HEXB: variants seen among roughly 807,000 people sequenced by gnomAD.
HEXB encodes hexosaminidase subunit beta.
Under a neutral mutation model 71.2 loss-of-function variants are expected in HEXB, and 51 were observed. The observed-to-expected ratio is 0.72, with a 90% CI of 0.57 to 0.90. HEXB has a LOEUF of 0.90. HEXB is among the 40% of genes least tolerant of loss of function. The pLI is 0.00. For missense variants in HEXB, 617 were observed against 677.0 expected (o/e 0.91, Z 0.98); for synonymous variants, 266 against 249.3 (o/e 1.07, Z -0.63).
intron 8 of HEXB, 44 bp downstream of exon 8, chr5:74,715,734 A>G (rs1749656452): frequency 2.9e-6 from 4 of 1,380,848 alleles, no homozygotes; most frequent in Non-Finnish European, 4.1e-6. Flanking sequence ...AAAAAAAGAG[A>G]GGCTGGGTGC....
intron 5 of HEXB, among the ~76,000 whole-genome samples, chr5:74,704,856 C>T (rs1394509148): frequency 6.6e-6 from 1 of 152,142 alleles, no homozygotes; most frequent in African/African-American, 2.4e-5. Flanking sequence ...ATTTGGGAGG[C>T]CAAGGCGGGT....
intron 1 of HEXB, among the ~76,000 whole-genome samples, chr5:74,686,744 G>C (rs1288425332): frequency 3.9e-5 from 6 of 152,202 alleles, no homozygotes; most frequent in African/African-American, 1.4e-4. Context: ...CCAGAGTGGG[G>C]TTAAGATGTA....
intron 1 of HEXB, among the ~76,000 whole-genome samples, chr5:74,648,367 A>G (rs1409193515): frequency 6.6e-6 from 1 of 152,026 alleles, no homozygotes; most frequent in East Asian, 1.9e-4. Context: ...TTAAATTCTT[A>G]ATATTAGTCA....
upstream of HEXB, among the ~76,000 whole-genome samples, chr5:74,680,710 A>T (rs1748722792): frequency 6.6e-6 from 1 of 152,242 alleles, no homozygotes; most frequent in South Asian, 2.1e-4. Flanking sequence ...GCAGGTACAC[A>T]TGTTAGGATT....
chr5:74,661,052 C>G (rs1748309901), intron 1 of HEXB, among the ~76,000 whole-genome samples: 1 of 152,016 alleles, frequency 6.6e-6, no homozygotes, highest in South Asian at 2.1e-4. Context: ...GAGAGAGTGG[C>G]CTTCACCCTT....
At chr5:74,678,298 CATAAATAAATAAATAA>C (rs78230461) in intron 1 of HEXB, among the ~76,000 whole-genome samples, 1,754 of 145,164 alleles carry the variant, frequency 0.012, 32 homozygotes, top group African/African-American at 0.042. Context: ...AACTCCATCT[CATAAATAAATAAATAA>C]ATAAATAAAT....
chr5:74,689,501 T>C, intron 2 of HEXB, 28 bp downstream of exon 2: 1 of 1,603,926 alleles, frequency 6.2e-7, no homozygotes, highest in Non-Finnish European at 8.5e-7. Context: ...GTGAGTGTAT[T>C]ATATCCCAGG....
At chr5:74,658,917 T>C (rs1748269420) in intron 1 of HEXB, among the ~76,000 whole-genome samples, 1 of 152,118 alleles carries the variant, frequency 6.6e-6, no homozygotes, top group African/African-American at 2.4e-5. Context: ...GTAAGGCCAA[T>C]CTTAGGTACT....
At chr5:74,678,126 G>A (rs10942716) in intron 1 of HEXB, among the ~76,000 whole-genome samples, 22,786 of 151,792 alleles carry the variant, frequency 0.15, 1,919 homozygotes, top group East Asian at 0.27. Flanking sequence ...GTGAAACCCC[G>A]TCTTTACTAA....
intron 9 of HEXB, among the ~76,000 whole-genome samples, chr5:74,718,054 CTCAT>C (rs1749719294): frequency 6.6e-6 from 1 of 152,186 alleles, no homozygotes. Flanking sequence ...GCATGTTTAA[CTCAT>C]TCATTCAGCA....
chr5:74,682,150 A>G (rs950996360), upstream of HEXB, among the ~76,000 whole-genome samples: 26 of 152,244 alleles, frequency 1.7e-4, no homozygotes, highest in African/African-American at 6.3e-4. Context: ...TGAGATCAGG[A>G]GATCGAGACC....
intron 1 of HEXB, among the ~76,000 whole-genome samples, chr5:74,677,417 C>T (rs952863104): frequency 1.3e-5 from 2 of 151,198 alleles, no homozygotes; most frequent in African/African-American, 2.4e-5. Flanking sequence ...ATCAGTTTTA[C>T]TCTCAGATTC....
chr5:74,711,035 T>C (rs1290129843), intron 6 of HEXB, among the ~76,000 whole-genome samples: 1 of 150,522 alleles, frequency 6.6e-6, no homozygotes, highest in Non-Finnish European at 1.5e-5. Flanking sequence ...CTTCAAACTA[T>C]ACTACAAGGC....
At chr5:74,712,337 G>A (rs1228610325) in intron 6 of HEXB, among the ~76,000 whole-genome samples, 108 of 150,170 alleles carry the variant, frequency 7.2e-4, no homozygotes, top group Middle Eastern at 3.4e-3. Flanking sequence ...GCTAGATGAC[G>A]AGTTAGTGGG....
At chr5:74,642,639 A>G (rs1054825155) in intron 1 of HEXB, among the ~76,000 whole-genome samples, 5 of 151,954 alleles carry the variant, frequency 3.3e-5, no homozygotes, top group African/African-American at 1.2e-4. Context: ...CACCTAGATG[A>G]CCTTGCCTAG....
chr5:74,644,306 T>C (rs1046534713), intron 1 of HEXB, among the ~76,000 whole-genome samples: 3 of 152,234 alleles, frequency 2.0e-5, no homozygotes, highest in Non-Finnish European at 2.9e-5. Flanking sequence ...AGTTGCTGAA[T>C]GCAGCTTGCC....
chr5:74,683,265 A>G (rs191987415), upstream of HEXB, among the ~76,000 whole-genome samples: 1 of 152,030 alleles, frequency 6.6e-6, no homozygotes. Context: ...TCTAGATTTT[A>G]TGACTGGCTT....
rs984639297 is a variant in HEXB, at chr5:74,718,957, C to A, written c.1403C>A (p.Pro468His). 1 of 1,614,088 alleles carries A rather than the reference C, an allele frequency of 6.2e-7. No individual in the cohort carries two copies. The highest frequency in any genetic ancestry group is 8.5e-7 in the Non-Finnish European group (1 of 1,180,010). The change falls in exon 11 of 14, where the codon CCT becomes CAT. Residue 468 changes from proline (P) to histidine (H), a missense_variant. Pro to His is a moderately conservative substitution (Grantham distance 77). Transcript: ENST00000261416. ...TGGAGGAAATACTATAAAGTGGAAC[C>A]TCTTGATTTTGGCGGTAAGTGAAGC... ...QDWRKYYKVE[P>H]LDFGGTQKQK...
upstream of HEXB, chr5:74,685,070 C>A (rs1748823352): frequency 1.7e-6 from 1 of 582,210 alleles, no homozygotes; most frequent in Non-Finnish European, 2.9e-6. Flanking sequence ...AGGAAATTCT[C>A]GAGGTGACCT....
Sources: allele counts gnomAD v4.1 joint callset (sites outside exome capture counted in the v4.1 genomes callset), GRCh38; gene constraint gnomAD v4.1.1; transcripts MANE v1.5; gene names NCBI Gene and HGNC (gene_info 2026-07-23, HGNC 2026-07-21).